CAMK4: variants seen among roughly 807,000 people sequenced by gnomAD.
CAMK4 encodes calcium/calmodulin-dependent protein kinase type IV.
In CAMK4, 22 loss-of-function variants were observed where a neutral mutation model predicts 44.9. The ratio of observed to expected loss-of-function variants is 0.49; its 90% CI spans 0.35 to 0.70. CAMK4 has a LOEUF of 0.70. CAMK4 is among the 30% of genes least tolerant of loss of function. The pLI is 0.01. For synonymous variants in CAMK4, 218 were observed against 215.4 expected (o/e 1.01, Z -0.11); for missense variants, 498 against 586.8 (o/e 0.85, Z 1.56).
chr5:111,310,606 A>T (rs1032279833), intron 1 of CAMK4, among the ~76,000 whole-genome samples: 5 of 152,182 alleles, frequency 3.3e-5, no homozygotes, highest in African/African-American at 1.2e-4. Context: ...TAAGCCTGGC[A>T]CTTAGTACAT....
chr5:111,312,867 T>G (rs1298961402), intron 1 of CAMK4, among the ~76,000 whole-genome samples: 1 of 152,118 alleles, frequency 6.6e-6, no homozygotes, highest in African/African-American at 2.4e-5. Context: ...CAGTATACAT[T>G]TTGCAGACTT....
At chr5:111,380,729 T>G (rs1751383245) in intron 4 of CAMK4, among the ~76,000 whole-genome samples, 1 of 152,204 alleles carries the variant, frequency 6.6e-6, no homozygotes, top group African/African-American at 2.4e-5. Context: ...CTGTTTAGGC[T>G]TGTTCCAATG....
At position 111,381,734 on chromosome 5, in the gene CAMK4, A is replaced by AT. The variant is rs202163826; in HGVS notation, c.386+4800dup. On this transcript the variant is annotated intron_variant, in intron 4 of 10. Coordinates refer to ENST00000282356, the MANE Select transcript of CAMK4 (RefSeq NM_001744.6). ...ATAACTCTCTGATTTGTTCAAATAG[A>AT]TTTTTTTTATTTTATTGAGTTTGTT... 4.3e-3 allele frequency among the ~76,000 whole-genome samples: 655 copies of AT among 152,108 alleles called. 5 individuals are homozygous for AT. The highest frequency in any genetic ancestry group is 0.015 in the African/African-American group (631 of 41,480).
Position 111,224,435 on chromosome 5 carries a change from GGGCAGCGGC to G in CAMK4, c.-45_-37del, listed in dbSNP as rs1554052654. The G allele has an allele frequency of 2.0e-6, 3 of 1,534,378 alleles. No individual in the cohort carries two copies. Among genetic ancestry groups the G allele is most frequent in the African/African-American group, 1.4e-5 (1 of 69,494 alleles). On this transcript the variant is annotated 5_prime_UTR_variant, in exon 1 of 11. Coordinates refer to ENST00000282356, the MANE Select transcript of CAMK4 (RefSeq NM_001744.6). The surrounding 1 kb of genome is among the most constrained non-coding windows in gnomAD (Gnocchi z 5.7). The stretch of plus-strand genomic sequence containing the variant: ...GCGGCTGGCGGCCGGCTTCTCGCTC[GGGCAGCGGC>G]GGCGGCGGCGGCGGCGGCTTCCGGA...
intron 1 of CAMK4, among the ~76,000 whole-genome samples, chr5:111,317,723 G>C (rs1363581582): frequency 6.6e-6 from 1 of 151,862 alleles, no homozygotes; most frequent in Non-Finnish European, 1.5e-5. Context: ...CATGTGTCCT[G>C]TACAGCCCCA....
chr5:111,446,776 G>A lies in CAMK4; in HGVS notation c.550G>A (p.Ala184Thr), dbSNP rs1173126830. ...AGCCCCAGATGCACCACTCAAAATC[G>A]GTGAGAACATTTCTTCTTGTTTTGT... ...TPAPDAPLKIADFGLSKIVEH... is the reference protein window; with the variant it reads ...TPAPDAPLKITDFGLSKIVEH... Residue 184 changes from alanine (A) to threonine (T), a missense_variant and splice_region_variant, in exon 6 of 11, where the codon GCT becomes ACT. Around this residue, in one of 3 missense-constraint regions of CAMK4, gnomAD observed 203 missense variants for 298.2 expected, o/e 0.68. Transcript: ENST00000282356. 2.5e-6 allele frequency: 4 copies of A among 1,586,658 alleles called. No individual in the cohort carries two copies. Among genetic ancestry groups the A allele is most frequent in the African/African-American group, 1.3e-5 (1 of 74,128 alleles).
chr5:111,470,866 G>A (rs1222323100), intron 7 of CAMK4, among the ~76,000 whole-genome samples: 1 of 152,136 alleles, frequency 6.6e-6, no homozygotes, highest in Non-Finnish European at 1.5e-5. Context: ...CTACAGCTTT[G>A]GCTAACTCTC....
In CAMK4 at chr5:111,241,139, T is replaced by A. The variant is rs1241628958; in HGVS notation, c.161+16495T>A. Among the ~76,000 whole-genome samples, 3 of 151,980 alleles carry A rather than the reference T, an allele frequency of 2.0e-5. No homozygotes were observed. The South Asian group carries it at 6.2e-4, about 32-fold the overall frequency. On this transcript the variant is annotated intron_variant, in intron 1 of 10. Transcript: ENST00000282356. ...AATAATTATGACTTTTTTTTTTTTT[T>A]ACTATTAACTAAACTGCAGATTTTA...
intron 1 of CAMK4, among the ~76,000 whole-genome samples, chr5:111,337,368 C>T (rs188515122): frequency 5.3e-5 from 8 of 151,106 alleles, no homozygotes; most frequent in African/African-American, 1.7e-4. Flanking sequence ...GAGTAAATAC[C>T]TAGAAGTGAC....
At chr5:111,418,549 G>C (rs551108102) in intron 5 of CAMK4, among the ~76,000 whole-genome samples, 2 of 151,758 alleles carry the variant, frequency 1.3e-5, no homozygotes, top group Non-Finnish European at 2.9e-5. Flanking sequence ...CCATTAACTC[G>C]TCATTTAGCG....
intron 5 of CAMK4, among the ~76,000 whole-genome samples, chr5:111,402,734 C>G (rs1047256484): frequency 6.6e-6 from 1 of 152,118 alleles, no homozygotes; most frequent in African/African-American, 2.4e-5. Flanking sequence ...AAAATTTTCC[C>G]TTAGTAAAGG....
chr5:111,329,175 C>T lies in CAMK4; in HGVS notation c.162-14849C>T, dbSNP rs181316529. ...AGAAAAGGCCTTTGACAAAATTCAA[C>T]AACGCTTCATGCTAAAACCTCTCAA... On this transcript the variant is annotated intron_variant, in intron 1 of 10. Coordinates refer to ENST00000282356, the MANE Select transcript of CAMK4 (RefSeq NM_001744.6). Among the ~76,000 whole-genome samples, 1,240 of 151,990 alleles carry T rather than the reference C, an allele frequency of 8.2e-3. 16 individuals are homozygous for T. Among genetic ancestry groups the T allele is most frequent in the African/African-American group, 0.028 (1,153 of 41,510 alleles).
At chr5:111,458,971 C>T (rs1754537879) in intron 7 of CAMK4, among the ~76,000 whole-genome samples, 1 of 152,166 alleles carries the variant, frequency 6.6e-6, no homozygotes, top group Non-Finnish European at 1.5e-5. Context: ...ATCGGAGCAT[C>T]AGGCTTGGGA....
At chr5:111,332,179 A>G (rs1244367390) in intron 1 of CAMK4, among the ~76,000 whole-genome samples, 1 of 150,398 alleles carries the variant, frequency 6.6e-6, no homozygotes, top group Non-Finnish European at 1.5e-5. Context: ...TGCTGCACCC[A>G]TTAACTCGTC....
chr5:111,407,825 G>A (rs1752492298), intron 5 of CAMK4, among the ~76,000 whole-genome samples: 1 of 152,088 alleles, frequency 6.6e-6, no homozygotes, highest in African/African-American at 2.4e-5. Context: ...CAAGAGAAGG[G>A]CTTAAGAAAG....
chr5:111,333,350 G>A (rs1660940), intron 1 of CAMK4, among the ~76,000 whole-genome samples: 63,529 of 151,464 alleles, frequency 0.42, 13,863 homozygotes, highest in South Asian at 0.56. Context: ...TAAACTTTTC[G>A]CAAGATGTTT....
intron 1 of CAMK4, among the ~76,000 whole-genome samples, chr5:111,225,754 C>G (rs748441539): frequency 2.0e-5 from 3 of 152,186 alleles, no homozygotes; most frequent in Non-Finnish European, 4.4e-5. Context: ...CACTCTCCCC[C>G]CACTTTGCTA....
chr5:111,285,266 C>G (rs1751193914), intron 1 of CAMK4, among the ~76,000 whole-genome samples: 1 of 152,164 alleles, frequency 6.6e-6, no homozygotes, highest in African/African-American at 2.4e-5. Flanking sequence ...CACATACACA[C>G]ACATCTGAGA....
At chr5:111,300,691 C>A (rs1363542868) in intron 1 of CAMK4, among the ~76,000 whole-genome samples, 1 of 152,072 alleles carries the variant, frequency 6.6e-6, no homozygotes, top group African/African-American at 2.4e-5. Context: ...AAAGAATTGA[C>A]CCATTTAAAC....
Sources: gnomAD v4.1 joint callset for allele counts (sites outside exome capture counted in the v4.1 genomes callset) on GRCh38, gnomAD v4.1.1 for gene constraint, gnomAD v4.1.1 regional missense constraint, Gnocchi (gnomAD v3.1) non-coding constraint, MANE v1.5 for transcripts, NCBI Gene and HGNC (gene_info 2026-07-23, HGNC 2026-07-21) for gene names.